Variants in ANO1 observed in about 807,000 individuals in gnomAD.
The protein encoded by ANO1 is anoctamin 1, also known as anoctamin-1.
Under a neutral mutation model 124.0 loss-of-function variants are expected in ANO1, and 59 were observed. The observed-to-expected ratio is 0.48, with a 90% confidence interval of 0.39 to 0.59. ANO1 has a LOEUF of 0.59. Ranked by LOEUF, ANO1 falls within the 20% of genes least tolerant of loss-of-function variation. The pLI is 0.00. For synonymous variants in ANO1, 529 were observed against 532.0 expected (o/e 0.99, Z 0.08); for missense variants, 1,059 against 1,328.0 (o/e 0.80, Z 3.15).
At chr11:70,175,017 C>G (rs953626189) in intron 22 of ANO1, among the ~76,000 whole-genome samples, 4 of 152,322 alleles carry the variant, frequency 2.6e-5, no homozygotes, top group Middle Eastern at 3.4e-3. Context: ...CACCCCCGCC[C>G]GCCACCTGCC....
At chr11:70,117,848 G>A (rs2046051324) in intron 8 of ANO1, among the ~76,000 whole-genome samples, 1 of 152,060 alleles carries the variant, frequency 6.6e-6, no homozygotes, top group Non-Finnish European at 1.5e-5. Context: ...TTAAATCTTT[G>A]GTACTTGATA....
intron 1 of ANO1, among the ~76,000 whole-genome samples, chr11:70,008,756 G>T (rs1211328689): frequency 2.6e-5 from 4 of 151,920 alleles, no homozygotes; most frequent in Non-Finnish European, 4.4e-5. Flanking sequence ...AGATTTTGTG[G>T]CACATGATGA....
chr11:70,112,151 C>T (rs545268103), intron 7 of ANO1, among the ~76,000 whole-genome samples: 2 of 152,348 alleles, frequency 1.3e-5, no homozygotes, highest in East Asian at 1.9e-4. Flanking sequence ...AAGTGGCCAG[C>T]TTCCTGAGCT....
At chr11:69,984,551 T>C (rs1554996642), upstream of ANO1, among the ~76,000 whole-genome samples, 1 of 152,058 alleles carries the variant, frequency 6.6e-6, no homozygotes, top group East Asian at 1.9e-4. Context: ...AACATGTCTT[T>C]GTGGGTTTGC....
chr11:70,042,478 G>A (rs188554218), intron 1 of ANO1, among the ~76,000 whole-genome samples: 12 of 152,188 alleles, frequency 7.9e-5, no homozygotes, highest in East Asian at 1.9e-4. Flanking sequence ...TCATGCATGC[G>A]TGCGTATGCA....
In ANO1 at chr11:70,058,966, G is replaced by A. The variant is rs1481780210; in HGVS notation, c.59-19576G>A. On this transcript the variant is annotated intron_variant, in intron 1 of 27. Transcript: ENST00000531349. Reference sequence around the variant, plus strand: ...TGGGAGGCTGAGGCGGGCAGATCACGAGGTCAGGAGATCAAGACCATCCTG... The same window carrying A: ...TGGGAGGCTGAGGCGGGCAGATCACAAGGTCAGGAGATCAAGACCATCCTG... 3.3e-5 allele frequency among the ~76,000 whole-genome samples: 5 copies of A among 151,852 alleles called. No individual in the cohort carries two copies. In the South Asian group the frequency reaches 6.3e-4, roughly 19 times the overall value.
chr11:70,075,392 A>C (rs555350647), upstream of ANO1: 6 of 152,172 alleles, frequency 3.9e-5, no homozygotes, highest in Non-Finnish European at 7.3e-5. Flanking sequence ...GTATACTAAA[A>C]TTGGAATGAT....
At position 70,010,191 on chromosome 11, in the gene ANO1, A is replaced by ATATATATATATATATG. The variant is rs1565159762; in HGVS notation, c.58+24032_58+24033insATATATATGTATATAT. Among the ~76,000 whole-genome samples the ATATATATATATATATG allele has an allele frequency of 2.0e-3, 240 of 123,018 alleles. 15 individuals carry two copies. The highest frequency in any genetic ancestry group is 7.7e-3 in the African/African-American group (222 of 28,706). 80.7% of individuals were successfully genotyped at this position (123,018 alleles called of 152,430 possible). ...CGCGTGTGTGTGTGTATATATATAT[A>ATATATATATATATATG]TATATATCACATTTTCTTTATCCAC... On this transcript the variant is annotated intron_variant, in intron 1 of 27. Transcript: ENST00000531349.
intron 20 of ANO1, 95 bp downstream of exon 20, chr11:70,165,665 T>G (rs1180859024): frequency 5.2e-6 from 5 of 953,016 alleles, no homozygotes; most frequent in Non-Finnish European, 7.9e-6. Context: ...ACGCGGGGCC[T>G]CAACCAAGAT....
intron 18 of ANO1, 79 bp downstream of exon 18, chr11:70,161,812 G>A: frequency 7.2e-7 from 1 of 1,392,658 alleles, no homozygotes; most frequent in Non-Finnish European, 1.0e-6. Context: ...CAGGTTGGGG[G>A]CACCTGGAGC....
chr11:70,183,104 A>G (rs1042717079), intron 24 of ANO1, among the ~76,000 whole-genome samples: 1 of 152,154 alleles, frequency 6.6e-6, no homozygotes, highest in Non-Finnish European at 1.5e-5. Flanking sequence ...GTGAGACCCT[A>G]TCTATAAAGA....
chr11:70,180,483 G>C (rs1405201255), intron 23 of ANO1, among the ~76,000 whole-genome samples: 1 of 152,154 alleles, frequency 6.6e-6, no homozygotes, highest in African/African-American at 2.4e-5. Context: ...ATGTTGACCA[G>C]GCTGGTCTCA....
At chr11:69,977,548 C>T in the ANO1 span, among the ~76,000 whole-genome samples, 121 of 152,352 alleles carry the variant, frequency 7.9e-4, no homozygotes, top group African/African-American at 2.5e-3. Flanking sequence ...AATGAGCAAC[C>T]ATCAGCCATG....
At chr11:70,062,416 A>G (rs1857608384) in intron 1 of ANO1, among the ~76,000 whole-genome samples, 1 of 152,160 alleles carries the variant, frequency 6.6e-6, no homozygotes, top group Non-Finnish European at 1.5e-5. Context: ...AATGGACTCC[A>G]AATATAGGGA....
intron 2 of ANO1, among the ~76,000 whole-genome samples, 195 bp from the exon 3 acceptor site, chr11:70,102,871 T>C (rs1477534234): frequency 6.6e-6 from 1 of 152,198 alleles, no homozygotes; most frequent in Non-Finnish European, 1.5e-5. Flanking sequence ...CACAGCCCCC[T>C]GCACTTCCTC....
intron 22 of ANO1, among the ~76,000 whole-genome samples, chr11:70,171,898 G>A (rs1390916212): frequency 6.6e-6 from 1 of 152,170 alleles, no homozygotes; most frequent in African/African-American, 2.4e-5. Context: ...GCCCACATAG[G>A]TTGTGGCTGC....
intron 2 of ANO1, among the ~76,000 whole-genome samples, chr11:70,095,601 G>A (rs948180422): frequency 2.0e-5 from 3 of 152,204 alleles, no homozygotes; most frequent in African/African-American, 7.2e-5. Context: ...TCTGTGTCCA[G>A]GCCCATGGTG....
chr11:70,065,812 C>G (rs1205508321), intron 1 of ANO1, among the ~76,000 whole-genome samples: 1 of 152,192 alleles, frequency 6.6e-6, no homozygotes, highest in Non-Finnish European at 1.5e-5. Flanking sequence ...CCTCCCCAGT[C>G]TTGTCAGGGC....
At position 70,002,660 on chromosome 11, in the gene ANO1, T is replaced by G. The variant is rs568751878; in HGVS notation, c.58+16494T>G. Among the ~76,000 whole-genome samples, 10 of 152,278 alleles carry G rather than the reference T, an allele frequency of 6.6e-5. No individual in the cohort carries two copies. The South Asian group carries it at 2.1e-3, about 32-fold the overall frequency. ...ATGATGAAAACACCTAATGACACATTTCTCAGAGTCCCTGTGGTTAAGTGG... is the reference window on the plus strand; with the variant it reads ...ATGATGAAAACACCTAATGACACATGTCTCAGAGTCCCTGTGGTTAAGTGG... On this transcript the variant is annotated intron_variant, in intron 1 of 27. Coordinates refer to the ANO1 transcript ENST00000531349.
Sources: gnomAD v4.1 joint callset for allele counts (sites outside exome capture counted in the v4.1 genomes callset) on GRCh38, gnomAD v4.1.1 for gene constraint, MANE v1.5 for transcripts, NCBI Gene and HGNC (gene_info 2026-07-23, HGNC 2026-07-21) for gene names.